DIAPH2: variants seen among roughly 807,000 people sequenced by gnomAD.
DIAPH2 encodes protein diaphanous homolog 2.
A neutral mutation model predicts 92.7 loss-of-function variants in DIAPH2; 35 were observed. The observed-to-expected ratio is 0.38, with a 90% CI of 0.29 to 0.50. The LOEUF (loss-of-function observed/expected upper bound fraction) is 0.50. DIAPH2 is among the 20% of genes least tolerant of loss of function. The pLI is 0.94. For missense variants in DIAPH2, 701 were observed against 819.5 expected, an observed-to-expected ratio of 0.86 and a Z score of 1.77; for synonymous variants, 301 against 280.4, an observed-to-expected ratio of 1.07 and a Z score of -0.73.
intron 25 of DIAPH2, among the ~76,000 whole-genome samples, chrX:97,392,746 A>G (rs1024069442): frequency 8.9e-6 from 1 of 111,910 alleles, no homozygotes; most frequent in African/African-American, 3.2e-5. Context: ...AAGTCCCAGC[A>G]CCACAGTTTG....
chrX:97,580,199 C>G (rs779691114), intron 26 of DIAPH2, among the ~76,000 whole-genome samples: 158 of 101,139 alleles, frequency 1.6e-3, no homozygotes, highest in African/African-American at 5.2e-3. Flanking sequence ...GAACTTCCAA[C>G]ACTATGTTGA....
chrX:96,981,681 A>G (rs1430954266), intron 17 of DIAPH2, among the ~76,000 whole-genome samples: 1 of 111,954 alleles, frequency 8.9e-6, no homozygotes. Context: ...AAGCAGGGTG[A>G]TTCCGTAGCC....
intron 22 of DIAPH2, among the ~76,000 whole-genome samples, chrX:97,230,601 C>T (rs955047763): frequency 3.6e-5 from 4 of 112,334 alleles, no homozygotes; most frequent in Non-Finnish European, 7.5e-5. Context: ...GTTGCCTAGG[C>T]TGGAGTGCAA....
chrX:96,777,516 G>T (rs1457472134), intron 4 of DIAPH2, among the ~76,000 whole-genome samples: 1 of 110,769 alleles, frequency 9.0e-6, no homozygotes, highest in Non-Finnish European at 1.9e-5. Context: ...TTGGGATGGG[G>T]GGGTTCTATT....
intron 19 of DIAPH2, among the ~76,000 whole-genome samples, chrX:97,079,886 T>G (rs903355253): frequency 2.7e-5 from 3 of 111,528 alleles, no homozygotes; most frequent in Non-Finnish European, 5.7e-5. Context: ...GATATTTCCT[T>G]CGATATGTCA....
At chrX:96,876,426 T>C (rs2065179167) in intron 4 of DIAPH2, among the ~76,000 whole-genome samples, 1 of 111,518 alleles carries the variant, frequency 9.0e-6, no homozygotes, top group Admixed American at 9.6e-5. Flanking sequence ...ACCCAAAGGA[T>C]TATAAATCAT....
chrX:96,800,100 T>G (rs2064571044), intron 4 of DIAPH2, among the ~76,000 whole-genome samples: 1 of 111,829 alleles, frequency 8.9e-6, no homozygotes, highest in Admixed American at 9.5e-5. Context: ...TGATAGTGTA[T>G]AAAGCAACAT....
intron 17 of DIAPH2, among the ~76,000 whole-genome samples, chrX:97,050,132 A>C (rs889204310): frequency 3.6e-5 from 4 of 111,325 alleles, no homozygotes; most frequent in Non-Finnish European, 7.6e-5. Context: ...AAACAACTAT[A>C]CTTTTAAATC....
chrX:96,962,841 T>G (rs1364939092), intron 16 of DIAPH2, among the ~76,000 whole-genome samples: 1 of 110,885 alleles, frequency 9.0e-6, no homozygotes, highest in African/African-American at 3.3e-5. Context: ...GTTTTTTTCT[T>G]TCTTTGTTAT....
chrX:97,185,549 G>T (rs2067597167), intron 22 of DIAPH2, among the ~76,000 whole-genome samples: 1 of 72,435 alleles, frequency 1.4e-5, no homozygotes, highest in Non-Finnish European at 2.5e-5. Flanking sequence ...ATTGAGATCT[G>T]TCCTCCTGTC....
Position 97,185,494 on chromosome X carries a change from T to TAC in DIAPH2, c.2719+43701_2719+43702insCA, listed in dbSNP as rs1481456621. Among the ~76,000 whole-genome samples, 109 of 49,682 alleles carry TAC rather than the reference T, an allele frequency of 2.2e-3. 9 individuals are homozygous for TAC. The highest frequency in any genetic ancestry group is 0.011 in the Middle Eastern group (1 of 95). The allele number at this position is 49,682 out of a possible 115,157, so 43.1% of individuals were successfully genotyped here. ...ATACACATATATATATATATATATATATATATATATATATATATATATATA... is the reference window on the plus strand; with the variant it reads ...ATACACATATATATATATATATATATACATATATATATATATATATATATATA... On this transcript the variant is annotated intron_variant, in intron 22 of 26. Coordinates refer to ENST00000324765, the MANE Select transcript of DIAPH2 (RefSeq NM_006729.5).
intron 24 of DIAPH2, among the ~76,000 whole-genome samples, chrX:97,354,012 G>A (rs2069242374): frequency 2.7e-5 from 3 of 110,355 alleles, no homozygotes; most frequent in South Asian, 7.8e-4. Context: ...ATGAGATCTC[G>A]CTGTGTTGCC....
At chrX:97,087,959 A>G (rs2066795557) in intron 19 of DIAPH2, among the ~76,000 whole-genome samples, 1 of 111,261 alleles carries the variant, frequency 9.0e-6, no homozygotes, top group African/African-American at 3.3e-5. Context: ...TCCCATGCCC[A>G]TAGGACTAGA....
intron 25 of DIAPH2, among the ~76,000 whole-genome samples, chrX:97,428,975 T>C (rs1223869345): frequency 1.8e-5 from 2 of 112,233 alleles, no homozygotes; most frequent in Non-Finnish European, 3.8e-5. Context: ...ATCCCACTTA[T>C]GGCTCCTTAA....
chrX:96,843,699 A>G (rs779518079), intron 4 of DIAPH2, among the ~76,000 whole-genome samples: 105 of 111,738 alleles, frequency 9.4e-4, no homozygotes, highest in African/African-American at 3.3e-3. Flanking sequence ...CTCTCGCCCC[A>G]CTACACAGGA....
intron 1 of DIAPH2, among the ~76,000 whole-genome samples, chrX:96,702,141 C>A (rs1337981045): frequency 8.9e-6 from 1 of 111,825 alleles, no homozygotes; most frequent in Non-Finnish European, 1.9e-5. Context: ...TATTTTAACA[C>A]ATTTCCTTTT....
intron 4 of DIAPH2, among the ~76,000 whole-genome samples, chrX:96,784,127 C>T (rs1209373671): frequency 8.9e-6 from 1 of 112,120 alleles, no homozygotes; most frequent in Non-Finnish European, 1.9e-5. Flanking sequence ...TGCTTTCCAG[C>T]TGTTTGGGAT....
chrX:96,928,266 G>A (rs1200746202), intron 9 of DIAPH2, among the ~76,000 whole-genome samples: 1 of 111,056 alleles, frequency 9.0e-6, no homozygotes. Flanking sequence ...GATGAGATTA[G>A]ATGGTGAATT....
In DIAPH2 at chrX:97,125,471, C is replaced by CAAAA. The variant is rs1159049051; in HGVS notation, c.2589+10531_2589+10534dup. 7.3e-4 allele frequency among the ~76,000 whole-genome samples: 14 copies of CAAAA among 19,199 alleles called. 1 individual carries two copies. Among genetic ancestry groups the CAAAA allele is most frequent in the Non-Finnish European group, 2.0e-3 (10 of 5,091 alleles). The allele number at this position is 19,199 out of a possible 115,157, so 16.7% of individuals were successfully genotyped here. On this transcript the variant is annotated intron_variant, in intron 21 of 26. Transcript: ENST00000324765. The stretch of plus-strand genomic sequence containing the variant: ...TGGGTGACAGAGAGTGACTCCGTCT[C>CAAAA]AAAAAAAAAAAAAAAAAAAAAAAAA...
Sources: gnomAD v4.1 joint callset for allele counts (sites outside exome capture counted in the v4.1 genomes callset) on GRCh38, gnomAD v4.1.1 for gene constraint, MANE v1.5 for transcripts, NCBI Gene and HGNC (gene_info 2026-07-23, HGNC 2026-07-21) for gene names.